COL13A1: variants seen among roughly 807,000 people sequenced by gnomAD.
The protein encoded by COL13A1 is collagen alpha-1(XIII) chain.
COL13A1 carries 89 observed loss-of-function variants against 130.9 expected under a neutral mutation model. The ratio of observed to expected loss-of-function variants is 0.68; its 90% CI spans 0.57 to 0.81. The LOEUF (loss-of-function observed/expected upper bound fraction) is 0.81. COL13A1 is among the 30% of genes least tolerant of loss of function. The probability of loss-of-function intolerance (pLI) is 0.00; values close to 1 mark genes in which losing one functional copy is unlikely to be tolerated. For synonymous variants in COL13A1, 402 were observed against 341.6 expected, an observed-to-expected ratio of 1.18 and a Z score of -1.95; for missense variants, 879 against 934.6, an observed-to-expected ratio of 0.94 and a Z score of 0.78.
chr10:69,877,587 A>T (rs1374711597), intron 5 of COL13A1: 1 of 171,842 alleles, frequency 5.8e-6, no homozygotes, highest in African/African-American at 2.4e-5. Flanking sequence ...GCTTCTGGGG[A>T]GGATTTCCTG....
In COL13A1 at chr10:69,829,314, A is replaced by G. The variant is rs1399176939; in HGVS notation, c.364+6876A>G. 4 of 949,826 alleles carry G rather than the reference A, an allele frequency of 4.2e-6. No individual in the cohort carries two copies. The African/African-American group carries it at 5.3e-5, about 13-fold the overall frequency. The allele number at this position is 949,826 out of a possible 1,614,324, so 58.8% of individuals were successfully genotyped here. ...ATTTTTAACATTGATGTATAACTCC[A>G]GATAACCAAAGCACTTCAGTACTTT... On this transcript the variant is annotated intron_variant, in intron 2 of 40. Coordinates refer to ENST00000645393, the MANE Select transcript of COL13A1 (RefSeq NM_001368882.1).
intron 2 of COL13A1, among the ~76,000 whole-genome samples, chr10:69,839,039 C>T (rs1436072613): frequency 6.6e-6 from 1 of 152,232 alleles, no homozygotes; most frequent in African/African-American, 2.4e-5. Flanking sequence ...AAACCCATCC[C>T]CTGATTGGGC....
chr10:69,918,416 C>A, intron 19 of COL13A1, 99 bp downstream of exon 19: 1 of 1,165,342 alleles, frequency 8.6e-7, no homozygotes. Context: ...GCTGCCAGAC[C>A]AATGAGGGGG....
intron 2 of COL13A1, among the ~76,000 whole-genome samples, chr10:69,828,357 T>C (rs1848015605): frequency 1.3e-5 from 2 of 151,778 alleles, no homozygotes; most frequent in South Asian, 2.1e-4. Context: ...AAACCCACAA[T>C]AGCAACATCA....
At chr10:69,819,137 G>A (rs924111609) in intron 1 of COL13A1, among the ~76,000 whole-genome samples, 1 of 152,220 alleles carries the variant, frequency 6.6e-6, no homozygotes, top group Non-Finnish European at 1.5e-5. Flanking sequence ...CATTGAACTT[G>A]AAGTTAGAGG....
chr10:69,958,851 TATC>T lies in COL13A1; in HGVS notation c.*152_*154del. The T allele has an allele frequency of 9.6e-7, 1 of 1,039,242 alleles. No individual in the cohort carries two copies. The highest frequency in any genetic ancestry group is 1.4e-6 in the Non-Finnish European group (1 of 729,294). 64.4% of individuals were successfully genotyped at this position (1,039,242 alleles called of 1,614,324 possible). On this transcript the variant is annotated 3_prime_UTR_variant, in exon 41 of 41. Coordinates refer to ENST00000645393, the MANE Select transcript of COL13A1 (RefSeq NM_001368882.1). ...AAACCTGCATATTTTGTACAGAAAA[TATC>T]AACCTCTTCCCTTTTGTTTACAAGA...
At chr10:69,929,279 G>A (rs558576752) in intron 28 of COL13A1, among the ~76,000 whole-genome samples, 2 of 151,872 alleles carry the variant, frequency 1.3e-5, no homozygotes, top group African/African-American at 2.4e-5. Flanking sequence ...CCCACAGCGG[G>A]AGTGAGGACC....
intron 17 of COL13A1, 23 bp from the exon 18 acceptor site, chr10:69,917,266 T>G: frequency 1.2e-6 from 2 of 1,613,634 alleles, no homozygotes; most frequent in Middle Eastern, 3.3e-4. Flanking sequence ...CCTCTCCTCA[T>G]GCTTTCTCAT....
chr10:69,888,521 C>G (rs560299817), intron 9 of COL13A1, among the ~76,000 whole-genome samples, 191 bp downstream of exon 9: 1 of 152,214 alleles, frequency 6.6e-6, no homozygotes, highest in African/African-American at 2.4e-5. Flanking sequence ...CCCCAGGGCA[C>G]AGGTCCCCAG....
chr10:69,875,012 C>A, intron 4 of COL13A1, 116 bp from the exon 5 acceptor site: 1 of 1,258,766 alleles, frequency 7.9e-7, no homozygotes. Flanking sequence ...ATGTCGTCCC[C>A]GCTGCAAACT....
intron 16 of COL13A1, among the ~76,000 whole-genome samples, chr10:69,905,336 C>G (rs554546638): frequency 1.6e-3 from 248 of 152,302 alleles, no homozygotes; most frequent in African/African-American, 5.7e-3. Context: ...AATCCAGTCT[C>G]CTGTGAACCC....
rs570168449 is a variant in COL13A1, at chr10:69,852,087, C to T, written c.365-15711C>T. 1.6e-4 allele frequency among the ~76,000 whole-genome samples: 25 copies of T among 152,286 alleles called. No homozygotes were observed. In the South Asian group the frequency reaches 3.3e-3, roughly 20 times the overall value. On this transcript the variant is annotated intron_variant, in intron 2 of 40. Transcript: ENST00000645393. ...CACTTGCTGTGCTGGTGTGCAGTGACCATCCCTTGGACTCTCTCGTGCCGC... is the reference window on the plus strand; with the variant it reads ...CACTTGCTGTGCTGGTGTGCAGTGATCATCCCTTGGACTCTCTCGTGCCGC...
chr10:69,914,157 A>G (rs553025852), intron 17 of COL13A1, among the ~76,000 whole-genome samples: 1 of 152,126 alleles, frequency 6.6e-6, no homozygotes, highest in African/African-American at 2.4e-5. Context: ...GCCCAGAGAC[A>G]AGCTTGAAGC....
At chr10:69,805,237 G>A (rs541741939) in intron 1 of COL13A1, among the ~76,000 whole-genome samples, 1 of 152,322 alleles carries the variant, frequency 6.6e-6, no homozygotes, top group South Asian at 2.1e-4. Context: ...CCCCTAGAGT[G>A]AGTGCTTACG....
At chr10:69,808,452 C>T (rs542878321) in intron 1 of COL13A1, among the ~76,000 whole-genome samples, 2 of 152,200 alleles carry the variant, frequency 1.3e-5, no homozygotes, top group South Asian at 4.1e-4. Context: ...GTTGGCTTTC[C>T]TTATCCCAAA....
At chr10:69,841,165 T>C (rs12258864) in intron 2 of COL13A1, among the ~76,000 whole-genome samples, 34,694 of 151,322 alleles carry the variant, frequency 0.23, 5,290 homozygotes, top group African/African-American at 0.43. Flanking sequence ...CTCTTCCCTC[T>C]GCCAGGAACC....
At position 69,822,431 on chromosome 10, in the gene COL13A1, C is replaced by A; in HGVS notation, c.357C>A (p.Cys119Ter). ...CAAAGACATCTCCAGGATGTAACTG[C>A]CCACCAGGTAAGCAGCCCTGCAAAT... The part of the protein sequence containing the change: ...EAPKTSPGCN[C>*]PPGPPGPTGR... The change falls in exon 2 of 41, where the codon TGC (cysteine) becomes TGA (stop). Residue 119 changes from cysteine to a stop codon, truncating the protein, a stop_gained. Transcript: ENST00000645393. LOFTEE classifies it high-confidence loss of function. 6.3e-7 allele frequency: 1 copy of A among 1,591,224 alleles called. No individual in the cohort carries two copies. The highest frequency in any genetic ancestry group is 1.8e-5 in the Admixed American group (1 of 57,134).
At chr10:69,842,239 T>G (rs1851799364) in intron 2 of COL13A1, among the ~76,000 whole-genome samples, 1 of 152,180 alleles carries the variant, frequency 6.6e-6, no homozygotes, top group Non-Finnish European at 1.5e-5. Flanking sequence ...TTTCACTTGA[T>G]TCTCATTTCT....
chr10:69,888,259 A>G, intron 8 of COL13A1, 45 bp from the exon 9 acceptor site: 1 of 1,608,856 alleles, frequency 6.2e-7, no homozygotes, highest in Non-Finnish European at 8.5e-7. Flanking sequence ...CTTTGGCAGG[A>G]GTCCTGTGAT....
Sources: gnomAD v4.1 joint callset for allele counts (sites outside exome capture counted in the v4.1 genomes callset) on GRCh38, gnomAD v4.1.1 for gene constraint, MANE v1.5 for transcripts, NCBI Gene and HGNC (gene_info 2026-07-23, HGNC 2026-07-21) for gene names.